Variants in RNF111 observed in about 807,000 individuals in gnomAD.
RNF111 encodes the protein E3 ubiquitin-protein ligase Arkadia.
A neutral mutation model predicts 95.1 loss-of-function variants in RNF111; 17 were observed. That is an observed-to-expected ratio of 0.18 (90% CI 0.12 to 0.27). The LOEUF is 0.27. RNF111 is among the 10% of genes least tolerant of loss of function. The probability of loss-of-function intolerance (pLI) is 1.00; values close to 1 mark genes in which losing one functional copy is unlikely to be tolerated. For missense variants in RNF111, 1,189 were observed against 1,210.4 expected (o/e 0.98, Z 0.26); for synonymous variants, 440 against 414.8 (o/e 1.06, Z -0.74).
chr15:59,052,512 C>A, intron 3 of RNF111, 81 bp downstream of exon 3: 2 of 938,338 alleles, frequency 2.1e-6, no homozygotes, highest in Non-Finnish European at 2.8e-6. Context: ...TATTTGCATT[C>A]TTTTTATTTA....
chr15:59,008,416 A>C (rs899239124), intron 1 of RNF111, among the ~76,000 whole-genome samples: 1 of 152,056 alleles, frequency 6.6e-6, no homozygotes, highest in Admixed American at 6.6e-5. Flanking sequence ...ACAGGGTCTC[A>C]CTTTATTGCC....
chr15:59,034,412 G>A (rs141684331), intron 2 of RNF111, among the ~76,000 whole-genome samples: 6 of 152,136 alleles, frequency 3.9e-5, no homozygotes, highest in African/African-American at 2.4e-5. Flanking sequence ...TGCTAATGTC[G>A]TGATGATAAT....
chr15:59,079,662 T>G (rs1036104573), intron 7 of RNF111, among the ~76,000 whole-genome samples: 3 of 152,164 alleles, frequency 2.0e-5, no homozygotes, highest in African/African-American at 7.2e-5. Context: ...AAACTTTTTT[T>G]TTTTTTTTAC....
chr15:59,051,437 G>A (rs554965765), intron 2 of RNF111, among the ~76,000 whole-genome samples: 48 of 131,554 alleles, frequency 3.6e-4, no homozygotes, highest in South Asian at 4.8e-4. Context: ...CAGACTGGGC[G>A]ATTGAGCGAG....
chr15:59,055,289 T>G (rs2042158170), intron 3 of RNF111, among the ~76,000 whole-genome samples: 1 of 152,226 alleles, frequency 6.6e-6, no homozygotes, highest in South Asian at 2.1e-4. Context: ...AAATCTATCC[T>G]GAGCTAAACA....
intron 5 of RNF111, among the ~76,000 whole-genome samples, chr15:59,066,273 G>A (rs12913177): frequency 0.33 from 50,306 of 152,062 alleles, 9,052 homozygotes; most frequent in African/African-American, 0.46. Flanking sequence ...GAAAATCCCA[G>A]TGAAGACCAC....
At chr15:59,051,448 A>G (rs1298978419) in intron 2 of RNF111, among the ~76,000 whole-genome samples, 1 of 119,902 alleles carries the variant, frequency 8.3e-6, no homozygotes, top group African/African-American at 3.5e-5. Flanking sequence ...ATTGAGCGAG[A>G]CTCTGTCTCA....
At chr15:59,001,369 G>T (rs975644187) in intron 1 of RNF111, among the ~76,000 whole-genome samples, 6 of 152,026 alleles carry the variant, frequency 3.9e-5, no homozygotes, top group African/African-American at 1.4e-4. Context: ...TGTCAATCAG[G>T]TAACAGGATT....
Position 59,055,774 on chromosome 15 carries a change from G to A in RNF111, c.1100G>A (p.Arg367Lys). The A allele has an allele frequency of 6.2e-7, 1 of 1,614,000 alleles. No individual in the cohort carries two copies. Among genetic ancestry groups the A allele is most frequent in the Non-Finnish European group, 8.5e-7 (1 of 1,179,952 alleles). ...CCACAGGAGCCACGGAACCGCAGTA[G>A]GATTTCTACTGTTATACAGCCCTTG... ...SRPQEPRNRS[R>K]ISTVIQPLRQ... The change falls in exon 4 of 14, where the codon AGG (arginine) becomes AAG (lysine). Residue 367 changes from arginine to lysine, a missense_variant. Coordinates refer to ENST00000348370, the MANE Select transcript of RNF111 (RefSeq NM_017610.8).
rs1316492498 is a variant in RNF111, at chr15:59,055,776, A to G, written c.1102A>G (p.Ile368Val). 6.2e-7 allele frequency: 1 copy of G among 1,613,904 alleles called. No homozygotes were observed. Among genetic ancestry groups the G allele is most frequent in the Non-Finnish European group, 8.5e-7 (1 of 1,179,980 alleles). Residue 368 changes from isoleucine (I) to valine (V), a missense_variant, in exon 4 of 14, where the codon ATT (isoleucine) becomes GTT (valine). Transcript: ENST00000348370. ...RPQEPRNRSR[I>V]STVIQPLRQN... ...ACAGGAGCCACGGAACCGCAGTAGG[A>G]TTTCTACTGTTATACAGCCCTTGAG...
intron 1 of RNF111, among the ~76,000 whole-genome samples, chr15:58,998,886 C>A (rs2039202067): frequency 6.6e-6 from 1 of 152,084 alleles, no homozygotes; most frequent in African/African-American, 2.4e-5. Context: ...CTTGGTGAAA[C>A]AATATTTTTC....
In RNF111 at chr15:59,095,241, T is replaced by C. The variant is rs2079157188; in HGVS notation, c.*341T>C. 1 of 245,232 alleles carries C rather than the reference T, an allele frequency of 4.1e-6. No homozygotes were observed. Among genetic ancestry groups the C allele is most frequent in the African/African-American group, 2.4e-5 (1 of 42,214 alleles). 15.2% of individuals were successfully genotyped at this position (245,232 alleles called of 1,614,324 possible). A position where few individuals can be genotyped will look rare whatever the true frequency, so the allele number is the denominator to read the frequency against. On this transcript the variant is annotated 3_prime_UTR_variant, in exon 14 of 14. Transcript: ENST00000348370. ...CTTTAGTAAGTAGAATTTTGTGGTC[T>C]TTTTGTTTTTTACATAGTACCAAGC... is the stretch of plus-strand genomic sequence containing the variant.
chr15:59,085,916 T>A, intron 10 of RNF111, 131 bp downstream of exon 10: 1 of 829,360 alleles, frequency 1.2e-6, no homozygotes, highest in East Asian at 2.9e-5. Context: ...TAGCTAAAAT[T>A]GTGCTATAAA....
chr15:59,041,041 T>C (rs1168701969), intron 2 of RNF111, among the ~76,000 whole-genome samples: 3 of 152,106 alleles, frequency 2.0e-5, no homozygotes, highest in Non-Finnish European at 4.4e-5. Flanking sequence ...CTCAAAAGTG[T>C]CTCTTGCTTT....
intron 2 of RNF111, among the ~76,000 whole-genome samples, chr15:59,040,183 A>G (rs964607734): frequency 1.2e-4 from 18 of 151,478 alleles, no homozygotes; most frequent in South Asian, 6.3e-4. Context: ...GGTACACTCA[A>G]TAGCTCTTTG....
intron 6 of RNF111, among the ~76,000 whole-genome samples, chr15:59,075,613 A>G (rs1373312531): frequency 6.6e-6 from 1 of 152,210 alleles, no homozygotes; most frequent in Non-Finnish European, 1.5e-5. Context: ...AGAATATAGA[A>G]GTATGATTTT....
rs200024876 is a variant in RNF111, at chr15:59,058,542, C to T, written c.1358C>T (p.Ser453Phe). ...ACAAGCAATAGTACCACTGGCACTT[C>T]TATAGGAGGTATGTAAAAAAGTGGG... ...TLTSNSTTGT[S>F]IGDDSRRTTS... Residue 453 changes from serine (S) to phenylalanine (F), a missense_variant, in exon 5 of 14, where the codon TCT (serine) becomes TTT (phenylalanine). Coordinates refer to ENST00000348370, the MANE Select transcript of RNF111 (RefSeq NM_017610.8). 4 of 1,613,758 alleles carry T rather than the reference C, an allele frequency of 2.5e-6. No homozygotes were observed. Among genetic ancestry groups the T allele is most frequent in the Non-Finnish European group, 3.4e-6 (4 of 1,179,764 alleles).
chr15:59,091,762 A>C (rs896894453), intron 12 of RNF111, among the ~76,000 whole-genome samples: 6 of 152,072 alleles, frequency 3.9e-5, no homozygotes, highest in African/African-American at 7.2e-5. Context: ...ATGGAAGACA[A>C]TTTTTCATGG....
Position 59,081,168 on chromosome 15 carries a change from A to G in RNF111, c.2181A>G (p.Thr727=). The G allele has an allele frequency of 6.2e-7, 1 of 1,614,066 alleles. No individual in the cohort carries two copies. The change falls in exon 8 of 14, where the codon ACA becomes ACG. Residue 727 remains threonine, a synonymous_variant. Transcript: ENST00000348370. ...AAPIPQHLPP[T]HQPISHHIPA... ...CAATCCCTCAGCATCTTCCTCCTAC[A>G]CACCAGCCAATTTCGCACCATATTC...
Sources: allele counts gnomAD v4.1 joint callset (sites outside exome capture counted in the v4.1 genomes callset), GRCh38; gene constraint gnomAD v4.1.1; transcripts MANE v1.5; gene names NCBI Gene and HGNC (gene_info 2026-07-23, HGNC 2026-07-21).